The following TENM1 variants were observed in gnomAD, a reference collection of about 807,000 sequenced individuals.
TENM1 encodes teneurin transmembrane protein 1, also known as teneurin-1.
A neutral mutation model predicts 174.8 loss-of-function variants in TENM1; 35 were observed. That is an observed-to-expected ratio of 0.20 (90% CI 0.15 to 0.27). The LOEUF (loss-of-function observed/expected upper bound fraction) is 0.27. Among genes scored for constraint, TENM1 ranks in the 10% least tolerant of loss-of-function variants. The pLI is 1.00. For missense variants in TENM1, 1,633 were observed against 2,130.1 expected (o/e 0.77, Z 4.59); for synonymous variants, 781 against 798.7 (o/e 0.98, Z 0.37).
At chrX:124,536,956 T>C (rs906733365) in intron 15 of TENM1, among the ~76,000 whole-genome samples, 2 of 111,574 alleles carry the variant, frequency 1.8e-5, no homozygotes, top group Non-Finnish European at 3.8e-5. Flanking sequence ...GGATAGTCAT[T>C]AAATATAGGA....
chrX:125,027,695 C>G, the TENM1 span, among the ~76,000 whole-genome samples: 1 of 104,151 alleles, frequency 9.6e-6, no homozygotes, highest in South Asian at 4.5e-4. Flanking sequence ...CTCACTGCAA[C>G]CTCCGCTTCC....
At chrX:125,114,761 C>CA in the TENM1 span, among the ~76,000 whole-genome samples, 10 of 110,136 alleles carry the variant, frequency 9.1e-5, no homozygotes, top group South Asian at 3.9e-4. Context: ...GCCTACCAAC[C>CA]AAAAAAAACC....
At chrX:124,985,654 C>T in the TENM1 span, among the ~76,000 whole-genome samples, 1 of 111,561 alleles carries the variant, frequency 9.0e-6, no homozygotes, top group African/African-American at 3.3e-5. Flanking sequence ...TAACCTGTAC[C>T]TCAAAGTGCA....
the TENM1 span, among the ~76,000 whole-genome samples, chrX:125,136,522 A>G: frequency 1.8e-5 from 2 of 111,859 alleles, no homozygotes; most frequent in Non-Finnish European, 3.8e-5. Flanking sequence ...CAAAGTTGGC[A>G]AGTGGCAAAG....
At chrX:124,377,774 G>C (rs1603241141) in exon 32 of TENM1, 1 of 111,702 alleles carries the variant, frequency 9.0e-6, no homozygotes, top group African/African-American at 3.3e-5. Flanking sequence ...TCTGTCTGCT[G>C]GGTATGAGAA....
intron 8 of TENM1, among the ~76,000 whole-genome samples, chrX:124,647,404 G>T (rs1169878424): frequency 9.0e-6 from 1 of 111,391 alleles, no homozygotes; most frequent in Non-Finnish European, 1.9e-5. Context: ...AATGCTTTCT[G>T]AACTGTAAAT....
chrX:125,138,675 G>A, the TENM1 span, among the ~76,000 whole-genome samples: 2 of 110,828 alleles, frequency 1.8e-5, no homozygotes, highest in Admixed American at 9.7e-5. Context: ...AACAGTGACT[G>A]GAAGCAGGCA....
intron 3 of TENM1, among the ~76,000 whole-genome samples, chrX:124,811,219 G>T (rs2055765150): frequency 9.0e-6 from 1 of 111,632 alleles, no homozygotes; most frequent in African/African-American, 3.2e-5. Flanking sequence ...TCAACAGAAT[G>T]AATATACAAC....
chrX:124,997,615 G>A, the TENM1 span, among the ~76,000 whole-genome samples: 1 of 111,431 alleles, frequency 9.0e-6, no homozygotes, highest in Non-Finnish European at 1.9e-5. Context: ...AACATTACTG[G>A]TGTGCTTTCA....
exon 12 of TENM1, chrX:124,565,482 G>T: frequency 8.3e-7 from 1 of 1,209,147 alleles, no homozygotes; most frequent in Non-Finnish European, 1.1e-6. Flanking sequence ...CTCACATGTT[G>T]GTCCTACCCA....
the TENM1 span, among the ~76,000 whole-genome samples, chrX:125,032,357 A>C: frequency 1.8e-5 from 2 of 110,004 alleles, no homozygotes; most frequent in South Asian, 8.0e-4. Flanking sequence ...TTTAGTAGAG[A>C]CGGGGTTTTA....
chrX:124,935,748 G>A (rs1461688431), intron 1 of TENM1, among the ~76,000 whole-genome samples: 1 of 112,308 alleles, frequency 8.9e-6, no homozygotes, highest in Non-Finnish European at 1.9e-5. Context: ...ATTCTTAGAT[G>A]TCTCATGAGT....
At chrX:124,471,523 A>T (rs1229404231) in intron 22 of TENM1, among the ~76,000 whole-genome samples, 10 of 71,975 alleles carry the variant, frequency 1.4e-4, no homozygotes, top group African/African-American at 5.3e-4. Flanking sequence ...AGTAATATAT[A>T]ATATATAATA....
At chrX:125,046,876 G>T in the TENM1 span, among the ~76,000 whole-genome samples, 2 of 109,725 alleles carry the variant, frequency 1.8e-5, no homozygotes, top group East Asian at 5.7e-4. Flanking sequence ...GTGTGTGTGT[G>T]TGTGTGTGTG....
intron 3 of TENM1, among the ~76,000 whole-genome samples, chrX:124,794,251 A>G (rs1192203273): frequency 3.6e-5 from 4 of 111,599 alleles, no homozygotes; most frequent in African/African-American, 1.3e-4. Flanking sequence ...GTAGCAGGCT[A>G]ACTATGTGCT....
chrX:124,772,839 A>G, intron 3 of TENM1, among the ~76,000 whole-genome samples: 1 of 111,707 alleles, frequency 9.0e-6, no homozygotes, highest in East Asian at 2.8e-4. Flanking sequence ...ACTAGATGGG[A>G]CCTTATATCT....
the TENM1 span, among the ~76,000 whole-genome samples, chrX:125,141,886 T>G: frequency 9.0e-6 from 1 of 111,141 alleles, no homozygotes; most frequent in South Asian, 3.8e-4. Context: ...CCAGCCAGAT[T>G]AGGGTTCAGA....
At chrX:124,620,099 A>G (rs1452632118) in intron 11 of TENM1, among the ~76,000 whole-genome samples, 1 of 112,163 alleles carries the variant, frequency 8.9e-6, no homozygotes, top group Non-Finnish European at 1.9e-5. Flanking sequence ...CCCAAATGAA[A>G]TTCTCCCTTC....
intron 27 of TENM1, among the ~76,000 whole-genome samples, chrX:124,395,337 C>T (rs2060321557): frequency 9.1e-6 from 1 of 110,479 alleles, no homozygotes; most frequent in Admixed American, 9.7e-5. Context: ...GGGTGTGACA[C>T]TTTCCTTTTT....
Sources: allele counts gnomAD v4.1 joint callset (sites outside exome capture counted in the v4.1 genomes callset), GRCh38; gene constraint gnomAD v4.1.1; transcripts MANE v1.5; gene names NCBI Gene and HGNC (gene_info 2026-07-23, HGNC 2026-07-21).